The following WARS2 variants were observed in gnomAD, a reference collection of about 807,000 sequenced individuals.
WARS2 encodes the protein tryptophanyl tRNA synthetase 2, mitochondrial, also known as tryptophan--tRNA ligase, mitochondrial.
A neutral mutation model predicts 36.5 loss-of-function variants in WARS2; 28 were observed. The observed-to-expected ratio is 0.77, with a 90% CI of 0.57 to 1.05. WARS2 has a LOEUF of 1.05. Ranked by LOEUF, WARS2 falls within the 50% of genes least tolerant of loss-of-function variation. WARS2 has a pLI of 0.00. For synonymous variants in WARS2, 174 were observed against 178.4 expected, an observed-to-expected ratio of 0.98 and a Z score of 0.20; for missense variants, 435 against 456.8, an observed-to-expected ratio of 0.95 and a Z score of 0.44.
chr1:119,084,221 G>C (rs1652443521), intron 1 of WARS2, among the ~76,000 whole-genome samples: 1 of 151,686 alleles, frequency 6.6e-6, no homozygotes, highest in Non-Finnish European at 1.5e-5. Context: ...GAAATATCCA[G>C]AATAGGCAAA....
intron 1 of WARS2, among the ~76,000 whole-genome samples, chr1:119,114,369 T>TTATAACACTGTTTTATAACAC (rs1458083312): frequency 3.3e-5 from 5 of 152,208 alleles, no homozygotes; most frequent in Non-Finnish European, 7.3e-5. Context: ...TAACACTGCT[T>TTATAACACTGTTTTATAACAC]TGCTTGTTTT....
chr1:119,054,539 G>A (rs1649618074), intron 2 of WARS2, among the ~76,000 whole-genome samples: 1 of 152,076 alleles, frequency 6.6e-6, no homozygotes, highest in African/African-American at 2.4e-5. Context: ...TGATTCAGCA[G>A]TTCCATTTCT....
rs1389189989 is a variant in WARS2, at chr1:119,085,642, T to C, written c.91-9035A>G. The stretch of plus-strand genomic sequence containing the variant: ...GACACATGATCCACTCGGATAGTTC[T>C]TCCTTTGATCTTGATCCCATTAAAA... On this transcript the variant is annotated intron_variant, in intron 1 of 5. Coordinates refer to ENST00000235521, the MANE Select transcript of WARS2 (RefSeq NM_015836.4). 1.1e-5 allele frequency: 16 copies of C among 1,428,376 alleles called. No individual in the cohort carries two copies. The East Asian group carries it at 3.0e-4, about 26-fold the overall frequency. 88.5% of individuals were successfully genotyped at this position (1,428,376 alleles called of 1,614,324 possible). A position where few individuals can be genotyped will look rare whatever the true frequency, so the allele number is the denominator to read the frequency against.
At chr1:119,081,707 T>G (rs1652203546) in intron 1 of WARS2, among the ~76,000 whole-genome samples, 1 of 152,216 alleles carries the variant, frequency 6.6e-6, no homozygotes, top group Admixed American at 6.5e-5. Context: ...CTGTTAGTGT[T>G]TCTCAATTCT....
intron 1 of WARS2, among the ~76,000 whole-genome samples, chr1:119,106,361 T>C (rs1654243038): frequency 6.6e-6 from 1 of 152,070 alleles, no homozygotes; most frequent in Non-Finnish European, 1.5e-5. Flanking sequence ...CCCTTGGGAG[T>C]TGTATATTCT....
At chr1:119,040,554 C>T (rs939221151) in intron 4 of WARS2, among the ~76,000 whole-genome samples, 23 of 152,198 alleles carry the variant, frequency 1.5e-4, no homozygotes, top group Admixed American at 1.5e-3. Context: ...TCAAGTGATC[C>T]TCCCGCCTCA....
At chr1:119,085,798 T>TC in intron 1 of WARS2, 2 of 1,608,182 alleles carry the variant, frequency 1.2e-6, no homozygotes, top group South Asian at 2.2e-5. Context: ...AACACACAGA[T>TC]GATGTCCCCT....
intron 1 of WARS2, among the ~76,000 whole-genome samples, chr1:119,120,846 C>G (rs978505739): frequency 6.6e-6 from 1 of 151,994 alleles, no homozygotes; most frequent in Admixed American, 6.6e-5. Context: ...ATCTAACATT[C>G]CTTTATGATT....
intron 1 of WARS2, among the ~76,000 whole-genome samples, chr1:119,123,942 A>G (rs34492750): frequency 0.5 from 76,128 of 151,954 alleles, 20,375 homozygotes; most frequent in East Asian, 0.84. Flanking sequence ...GGTCTCACAT[A>G]TCTAACTGCC....
chr1:119,096,666 T>C (rs1399827852), intron 1 of WARS2, among the ~76,000 whole-genome samples: 1 of 152,206 alleles, frequency 6.6e-6, no homozygotes, highest in Admixed American at 6.5e-5. Flanking sequence ...AATTATTCTC[T>C]ATACTACATT....
chr1:119,071,008 C>T (rs1334614405), intron 2 of WARS2, among the ~76,000 whole-genome samples: 1 of 151,978 alleles, frequency 6.6e-6, no homozygotes, highest in African/African-American at 2.4e-5. Flanking sequence ...CATGGTGAAA[C>T]CCTGTCTCTA....
chr1:119,077,861 C>T (rs1176608350), intron 1 of WARS2, among the ~76,000 whole-genome samples: 1 of 152,072 alleles, frequency 6.6e-6, no homozygotes, highest in African/African-American at 2.4e-5. Context: ...AATAAATATA[C>T]TGTAACTAAA....
intron 2 of WARS2, among the ~76,000 whole-genome samples, chr1:119,074,504 C>T (rs17186003): frequency 0.092 from 14,060 of 152,160 alleles, 913 homozygotes; most frequent in Non-Finnish European, 0.13. Flanking sequence ...ATCTGTCCAA[C>T]GCTGAATTTG....
chr1:119,127,391 G>T (rs1338162655), intron 1 of WARS2: 3 of 423,814 alleles, frequency 7.1e-6, no homozygotes, highest in Non-Finnish European at 1.3e-5. Context: ...GACTGCACAA[G>T]GTCACACTGC....
intron 1 of WARS2, among the ~76,000 whole-genome samples, chr1:119,077,208 T>G (rs1457923458): frequency 2.0e-5 from 3 of 151,024 alleles, no homozygotes; most frequent in Non-Finnish European, 4.4e-5. Context: ...GTATTGTTTA[T>G]GAAAAGATAA....
intron 2 of WARS2, among the ~76,000 whole-genome samples, chr1:119,072,927 G>A (rs959235901): frequency 2.6e-5 from 4 of 152,004 alleles, no homozygotes; most frequent in African/African-American, 9.7e-5. Flanking sequence ...GGCCAAGTTG[G>A]GAGAATCACT....
intron 1 of WARS2, among the ~76,000 whole-genome samples, chr1:119,095,797 C>T (rs746443528): frequency 6.6e-6 from 1 of 152,182 alleles, no homozygotes; most frequent in African/African-American, 2.4e-5. Context: ...GCCTCTTATA[C>T]AAGTTGTAAA....
At chr1:119,105,540 T>C (rs966741843) in intron 1 of WARS2, among the ~76,000 whole-genome samples, 17 of 151,996 alleles carry the variant, frequency 1.1e-4, no homozygotes, top group African/African-American at 4.1e-4. Context: ...GGAGCCAAGA[T>C]AAGTGACCGA....
Position 119,116,464 on chromosome 1 carries a change from G to A in WARS2, c.90+24091C>T, listed in dbSNP as rs12406064. ...GTGAACTTTGGCTCCAAGAACCATCGCAGGAATATACCAGGAAAACTGAAA... is the reference window on the plus strand; with the variant it reads ...GTGAACTTTGGCTCCAAGAACCATCACAGGAATATACCAGGAAAACTGAAA... On this transcript the variant is annotated intron_variant, in intron 1 of 5. Transcript: ENST00000235521. Among the ~76,000 whole-genome samples, 1,143 of 152,180 alleles carry A rather than the reference G, an allele frequency of 7.5e-3. 69 individuals are homozygous for A. Among genetic ancestry groups the A allele is most frequent in the Admixed American group, 0.069 (1,053 of 15,258 alleles).
Sources: allele counts gnomAD v4.1 joint callset (sites outside exome capture counted in the v4.1 genomes callset), GRCh38; gene constraint gnomAD v4.1.1; transcripts MANE v1.5; gene names NCBI Gene and HGNC (gene_info 2026-07-23, HGNC 2026-07-21).